The following TCERG1 variants were observed in gnomAD, a reference collection of about 807,000 sequenced individuals.
The protein encoded by TCERG1 is TATA box binding protein (TBP)-associated factor, RNA polymerase II, S, 150kD.
A neutral mutation model predicts 144.7 loss-of-function variants in TCERG1; 37 were observed. That is an observed-to-expected ratio of 0.26 (90% CI 0.20 to 0.34). The LOEUF is 0.34. Among genes scored for constraint, TCERG1 ranks in the 10% least tolerant of loss-of-function variants. TCERG1 has a pLI of 1.00. For synonymous variants in TCERG1, 492 were observed against 458.2 expected (o/e 1.07, Z -0.94); for missense variants, 1,027 against 1,380.7 (o/e 0.74, Z 4.06).
At chr5:146,475,286 T>TC (rs1400523002) in intron 9 of TCERG1, among the ~76,000 whole-genome samples, 1 of 152,222 alleles carries the variant, frequency 6.6e-6, no homozygotes, top group African/African-American at 2.4e-5. Flanking sequence ...AGAAGTGTGA[T>TC]CAGATTCGGA....
In TCERG1 at chr5:146,511,303, A is replaced by G. The variant is rs1042735289; in HGVS notation, c.*661A>G. 6.6e-6 allele frequency: 1 copy of G among 152,650 alleles called. No homozygotes were observed. The highest frequency in any genetic ancestry group is 6.5e-5 in the Admixed American group (1 of 15,276). 9.5% of individuals were successfully genotyped at this position (152,650 alleles called of 1,614,324 possible). A position where few individuals can be genotyped will look rare whatever the true frequency, so the allele number is the denominator to read the frequency against. On this transcript the variant is annotated 3_prime_UTR_variant, in exon 23 of 23. Transcript: ENST00000679501. ...GGTCATAACTAACATGTTGGCCAGA[A>G]TAGAACCACTGGTTAAACATATTTT...
intron 8 of TCERG1, 138 bp from the exon 9 acceptor site, chr5:146,471,350 C>A: frequency 2.8e-6 from 2 of 721,520 alleles, no homozygotes; most frequent in Non-Finnish European, 4.5e-6. Flanking sequence ...TTAGAACTTT[C>A]TTCCTACTCA....
Position 146,447,346 on chromosome 5 carries a change from T to A in TCERG1, c.-4T>A. On this transcript the variant is annotated 5_prime_UTR_variant, in exon 1 of 23. Transcript: ENST00000679501. ...CGGCGGGTGGATGAACGCGGCCCTC[T>A]GTAATGGCGGAGCGTGGCGGGGACG... The A allele has an allele frequency of 6.2e-7, 1 of 1,611,888 alleles. No homozygotes were observed. The highest frequency in any genetic ancestry group is 8.5e-7 in the Non-Finnish European group (1 of 1,179,224).
chr5:146,469,926 G>T, intron 7 of TCERG1, 182 bp downstream of exon 7: 2 of 441,642 alleles, frequency 4.5e-6, no homozygotes, highest in East Asian at 4.0e-5. Context: ...CTACTTACAT[G>T]TTTGTCATCA....
chr5:146,447,582 G>C (rs1229447955), intron 1 of TCERG1, among the ~76,000 whole-genome samples, 174 bp downstream of exon 1: 2 of 152,210 alleles, frequency 1.3e-5, no homozygotes, highest in Non-Finnish European at 2.9e-5. Context: ...AATGAGAGCC[G>C]GGCCCGGGCT....
At chr5:146,495,706 GT>G (rs1766831142) in intron 16 of TCERG1, among the ~76,000 whole-genome samples, 1 of 152,146 alleles carries the variant, frequency 6.6e-6, no homozygotes, top group African/African-American at 2.4e-5. Flanking sequence ...TAACTGGCCA[GT>G]TTTTTGTTTA....
At chr5:146,506,516 A>G (rs1032000080) in intron 19 of TCERG1, among the ~76,000 whole-genome samples, 18 of 152,182 alleles carry the variant, frequency 1.2e-4, no homozygotes, top group African/African-American at 4.1e-4. Context: ...TTGTGGTGAG[A>G]CACTTGGAAT....
intron 2 of TCERG1, 24 bp from the exon 3 acceptor site, chr5:146,457,159 A>G: frequency 6.2e-7 from 1 of 1,607,030 alleles, no homozygotes; most frequent in Non-Finnish European, 8.5e-7. Context: ...TAAAGTGACC[A>G]TTACTGTTTT....
chr5:146,508,024 A>G, intron 21 of TCERG1, 68 bp downstream of exon 21: 2 of 1,045,920 alleles, frequency 1.9e-6, no homozygotes, highest in African/African-American at 1.6e-5. Flanking sequence ...TAACAGCACT[A>G]CTATCTTAAC....
At chr5:146,484,948 C>T (rs1010394583) in intron 15 of TCERG1, among the ~76,000 whole-genome samples, 2 of 152,152 alleles carry the variant, frequency 1.3e-5, no homozygotes, top group African/African-American at 4.8e-5. Flanking sequence ...TCTTTTTCCA[C>T]ACAGCAGCCA....
At chr5:146,468,222 G>T in intron 5 of TCERG1, 119 bp from the exon 6 acceptor site, 1 of 772,770 alleles carries the variant, frequency 1.3e-6, no homozygotes, top group Non-Finnish European at 1.9e-6. Context: ...CTCCATTCTT[G>T]GTCTTTTTCA....
In TCERG1 at chr5:146,458,946, T is replaced by G. The variant is rs760398636; in HGVS notation, c.501T>G (p.Val167=). 7 of 1,614,234 alleles carry G rather than the reference T, an allele frequency of 4.3e-6. No individual in the cohort carries two copies. The highest frequency in any genetic ancestry group is 3.3e-4 in the Middle Eastern group (2 of 6,062). ...SAWTKPDGVK[V]IQQSELTPML... is the part of the protein sequence containing the mutation. ...GGACCAAGCCAGATGGAGTTAAGGT[T>G]ATTCAGCAATCAGAACTGACACCTA... Residue 167 remains valine, a synonymous_variant, in exon 4 of 23, where the codon GTT becomes GTG. Coordinates refer to ENST00000679501, the MANE Select transcript of TCERG1 (RefSeq NM_001382548.1).
intron 15 of TCERG1, among the ~76,000 whole-genome samples, chr5:146,488,742 G>T (rs888424529): frequency 1.3e-5 from 2 of 152,092 alleles, no homozygotes; most frequent in Admixed American, 6.5e-5. Flanking sequence ...GAAAGGAAAA[G>T]ACATCATTAT....
rs1029785776 is a variant in TCERG1, at chr5:146,475,919, A to G, written c.1602-2574A>G. 3.3e-5 allele frequency among the ~76,000 whole-genome samples: 5 copies of G among 152,276 alleles called. No homozygotes were observed. In the East Asian group the frequency reaches 9.7e-4, roughly 29 times the overall value. On this transcript the variant is annotated intron_variant, in intron 9 of 22. Transcript: ENST00000679501. ...ATTCATAGGTTTAAATATATTTTCTATGTTTTTAATCTATTGCAGTTTTTA... is the reference window on the plus strand; with the variant it reads ...ATTCATAGGTTTAAATATATTTTCTGTGTTTTTAATCTATTGCAGTTTTTA...
chr5:146,463,969 TTTG>T (rs1763557974), intron 5 of TCERG1, among the ~76,000 whole-genome samples, 176 bp downstream of exon 5: 2 of 152,254 alleles, frequency 1.3e-5, no homozygotes, highest in South Asian at 2.1e-4. Flanking sequence ...ATGTCCTTTT[TTTG>T]TTGTTGTTTA....
In TCERG1 at chr5:146,510,819, G is replaced by C. The variant is rs1394377929; in HGVS notation, c.*177G>C. ...TTTGGAAATATTTATGCTTTTCTTT[G>C]TGTGGCATGACTGACATACATACTC... On this transcript the variant is annotated 3_prime_UTR_variant, in exon 23 of 23. Transcript: ENST00000679501. 1 of 538,728 alleles carries C rather than the reference G, an allele frequency of 1.9e-6. No homozygotes were observed. Among genetic ancestry groups the C allele is most frequent in the Non-Finnish European group, 3.1e-6 (1 of 323,394 alleles). 33.4% of individuals were successfully genotyped at this position (538,728 alleles called of 1,614,324 possible). A position where few individuals can be genotyped will look rare whatever the true frequency, so the allele number is the denominator to read the frequency against.
intron 6 of TCERG1, among the ~76,000 whole-genome samples, chr5:146,469,309 CTG>C (rs1162976799): frequency 6.6e-6 from 1 of 152,088 alleles, no homozygotes; most frequent in Non-Finnish European, 1.5e-5. Flanking sequence ...AAATTTCTGA[CTG>C]TTTTTAAGGG....
intron 3 of TCERG1, among the ~76,000 whole-genome samples, 175 bp from the exon 4 acceptor site, chr5:146,458,709 C>A (rs1403906863): frequency 6.6e-6 from 1 of 151,888 alleles, no homozygotes; most frequent in African/African-American, 2.4e-5. Context: ...GAACTCCTGA[C>A]TTTAAGTGAT....
intron 15 of TCERG1, among the ~76,000 whole-genome samples, chr5:146,489,662 A>G (rs1766210077): frequency 1.3e-5 from 2 of 152,222 alleles, no homozygotes; most frequent in African/African-American, 4.8e-5. Flanking sequence ...AAAATGGAAC[A>G]TTCCAAGCAC....
Sources: gnomAD v4.1 joint callset for allele counts (sites outside exome capture counted in the v4.1 genomes callset) on GRCh38, gnomAD v4.1.1 for gene constraint, MANE v1.5 for transcripts, NCBI Gene and HGNC (gene_info 2026-07-23, HGNC 2026-07-21) for gene names.